Variants in MAP3K1 observed in about 807,000 individuals in gnomAD.
The protein encoded by MAP3K1 is mitogen-activated protein kinase kinase kinase 1, also known as MAP/ERK kinase kinase 1.
A neutral mutation model predicts 144.2 loss-of-function variants in MAP3K1; 36 were observed. That is an observed-to-expected ratio of 0.25 (90% confidence interval 0.19 to 0.33). The LOEUF (loss-of-function observed/expected upper bound fraction) is 0.33, where lower values mean the gene tolerates loss of function less well. Among genes scored for constraint, MAP3K1 ranks in the 10% least tolerant of loss-of-function variants. The probability of loss-of-function intolerance (pLI) is 1.00; values close to 1 mark genes in which losing one functional copy is unlikely to be tolerated. For missense variants in MAP3K1, 1,650 were observed against 1,881.9 expected (o/e 0.88, Z 2.28); for synonymous variants, 718 against 688.7 (o/e 1.04, Z -0.67).
At chr5:56,824,945 T>C (rs1380509976) in intron 1 of MAP3K1, among the ~76,000 whole-genome samples, 5 of 151,662 alleles carry the variant, frequency 3.3e-5, no homozygotes, top group African/African-American at 9.7e-5. Flanking sequence ...AAAAAAATTT[T>C]TATTTTTTTT....
chr5:56,816,097 G>A (rs913713835), intron 1 of MAP3K1, 42 bp downstream of exon 1: 71 of 1,201,604 alleles, frequency 5.9e-5, no homozygotes, highest in Non-Finnish European at 7.0e-5. Context: ...CTTGGAGAGC[G>A]GGCAGAGGGC....
intron 1 of MAP3K1, among the ~76,000 whole-genome samples, chr5:56,843,332 C>T (rs146679894): frequency 4.5e-4 from 69 of 152,278 alleles, no homozygotes; most frequent in African/African-American, 1.6e-3. Context: ...CTCGCCCCCT[C>T]GGACCTGCTT....
At chr5:56,816,138 GTC>G in intron 1 of MAP3K1, 83 bp downstream of exon 1, 1 of 1,142,740 alleles carries the variant, frequency 8.8e-7, no homozygotes, top group Non-Finnish European at 1.1e-6. Context: ...CATGCACGGC[GTC>G]CCGGGGTTCA....
intron 1 of MAP3K1, among the ~76,000 whole-genome samples, chr5:56,824,741 T>A (rs1022785280): frequency 8.5e-5 from 13 of 152,218 alleles, no homozygotes; most frequent in African/African-American, 3.1e-4. Context: ...TTCTGTAGCC[T>A]TGATGATACT....
At chr5:56,821,172 A>G (rs1232400260) in intron 1 of MAP3K1, among the ~76,000 whole-genome samples, 1 of 152,312 alleles carries the variant, frequency 6.6e-6, no homozygotes, top group Middle Eastern at 3.4e-3. Flanking sequence ...ATGGCATGTC[A>G]TTGGTGATTG....
chr5:56,855,554 A>ATTTT (rs571477544), intron 1 of MAP3K1, among the ~76,000 whole-genome samples: 1 of 151,472 alleles, frequency 6.6e-6, no homozygotes, highest in African/African-American at 2.4e-5. Context: ...TCTAGTGAAT[A>ATTTT]TTTTTTTTTA....
chr5:56,824,108 C>A (rs1210341554), intron 1 of MAP3K1, among the ~76,000 whole-genome samples: 1 of 152,116 alleles, frequency 6.6e-6, no homozygotes, highest in Non-Finnish European at 1.5e-5. Context: ...GTTCACATTT[C>A]CATTGAAGAA....
chr5:56,865,738 C>A, intron 5 of MAP3K1, 91 bp from the exon 6 acceptor site: 6 of 1,347,968 alleles, frequency 4.5e-6, no homozygotes, highest in Non-Finnish European at 6.3e-6. Context: ...GAAAAACATG[C>A]AAATTAAAGA....
intron 1 of MAP3K1, among the ~76,000 whole-genome samples, chr5:56,832,877 T>C (rs1308383180): frequency 6.6e-6 from 1 of 152,226 alleles, no homozygotes; most frequent in Admixed American, 6.5e-5. Context: ...TTTGTTTTGT[T>C]TTGTTTTTGT....
intron 1 of MAP3K1, among the ~76,000 whole-genome samples, chr5:56,837,922 G>A (rs1172062966): frequency 6.6e-6 from 1 of 152,168 alleles, no homozygotes; most frequent in African/African-American, 2.4e-5. Flanking sequence ...ACCTGGGATG[G>A]TTTCTCCAAG....
intron 1 of MAP3K1, among the ~76,000 whole-genome samples, chr5:56,854,635 A>G (rs1410647101): frequency 6.6e-6 from 1 of 152,204 alleles, no homozygotes; most frequent in East Asian, 1.9e-4. Context: ...GGAAAGAGAC[A>G]CATTAGACTT....
intron 1 of MAP3K1, among the ~76,000 whole-genome samples, chr5:56,854,710 A>AGGAACAGAAACTG (rs1561181680): frequency 2.6e-5 from 4 of 152,050 alleles, no homozygotes; most frequent in African/African-American, 4.8e-5. Flanking sequence ...TGTTTGACTC[A>AGGAACAGAAACTG]GGGCCAGGAA....
chr5:56,835,181 C>G (rs1450980241), intron 1 of MAP3K1, among the ~76,000 whole-genome samples: 3 of 152,142 alleles, frequency 2.0e-5, no homozygotes, highest in Non-Finnish European at 2.9e-5. Flanking sequence ...GAAAGGGTAG[C>G]AGGGAAATAC....
chr5:56,885,844 C>A, intron 16 of MAP3K1, 88 bp from the exon 17 acceptor site: 1 of 1,046,826 alleles, frequency 9.6e-7, no homozygotes, highest in Non-Finnish European at 1.5e-6. Context: ...AATGTGAGTT[C>A]ATGCAGTGAA....
At chr5:56,823,224 C>G (rs938327738) in intron 1 of MAP3K1, among the ~76,000 whole-genome samples, 1 of 152,220 alleles carries the variant, frequency 6.6e-6, no homozygotes. Context: ...CTTCTCCAGG[C>G]CCATCTCAGC....
intron 2 of MAP3K1, 91 bp from the exon 3 acceptor site, chr5:56,859,624 C>G (rs1296265653): frequency 1.1e-6 from 1 of 901,952 alleles, no homozygotes; most frequent in East Asian, 2.6e-5. Context: ...ATAACAAAAA[C>G]TCATTAAGTG....
intron 18 of MAP3K1, chr5:56,887,809 A>G (rs960258001): frequency 4.2e-6 from 2 of 475,194 alleles, no homozygotes; most frequent in Non-Finnish European, 7.6e-6. Flanking sequence ...AGTGCACATA[A>G]GAAATTTTTA....
chr5:56,842,735 C>G (rs1746851639), intron 1 of MAP3K1, among the ~76,000 whole-genome samples: 1 of 152,070 alleles, frequency 6.6e-6, no homozygotes, highest in Non-Finnish European at 1.5e-5. Context: ...ATGGGAGGAA[C>G]TCTAAGAAGT....
At chr5:56,845,696 G>A (rs139984196) in intron 1 of MAP3K1, among the ~76,000 whole-genome samples, 39 of 152,324 alleles carry the variant, frequency 2.6e-4, no homozygotes, top group African/African-American at 8.7e-4. Context: ...AACAATTAGG[G>A]AAGAGGATAC....
Sources: gnomAD v4.1 joint callset for allele counts (sites outside exome capture counted in the v4.1 genomes callset) on GRCh38, gnomAD v4.1.1 for gene constraint, MANE v1.5 for transcripts, NCBI Gene and HGNC (gene_info 2026-07-23, HGNC 2026-07-21) for gene names.